TRPS1: variants seen among roughly 807,000 people sequenced by gnomAD.
TRPS1 encodes transcriptional repressor GATA binding 1.
A neutral mutation model predicts 101.2 loss-of-function variants in TRPS1; 6 were observed. The observed-to-expected ratio is 0.06, with a 90% CI of 0.03 to 0.12. The LOEUF is 0.12. TRPS1 is among the 10% of genes least tolerant of loss of function. The pLI is 1.00. For missense variants in TRPS1, 1,363 were observed against 1,567.0 expected, an observed-to-expected ratio of 0.87 and a Z score of 2.20; for synonymous variants, 578 against 589.8, an observed-to-expected ratio of 0.98 and a Z score of 0.29.
chr8:115,559,064 TA>T (rs1816889588), intron 5 of TRPS1, among the ~76,000 whole-genome samples: 1 of 152,152 alleles, frequency 6.6e-6, no homozygotes, highest in African/African-American at 2.4e-5. Flanking sequence ...AATTTCAAGA[TA>T]AAACCTCTGT....
intron 1 of TRPS1, among the ~76,000 whole-genome samples, chr8:115,635,425 C>T (rs948110424): frequency 2.6e-5 from 4 of 152,132 alleles, no homozygotes; most frequent in African/African-American, 4.8e-5. Flanking sequence ...TCAAAACTCA[C>T]GTAACATTTA....
At chr8:115,442,308 T>G (rs1813618611) in intron 5 of TRPS1, among the ~76,000 whole-genome samples, 1 of 152,148 alleles carries the variant, frequency 6.6e-6, no homozygotes, top group Admixed American at 6.5e-5. Flanking sequence ...ACTGATTTTC[T>G]GAAGGAAAAA....
At chr8:115,572,752 C>T (rs1304847164) in intron 5 of TRPS1, among the ~76,000 whole-genome samples, 2 of 152,136 alleles carry the variant, frequency 1.3e-5, no homozygotes, top group Admixed American at 1.3e-4. Context: ...CATCTGAATG[C>T]CTTACAAACT....
At chr8:115,504,364 T>C (rs1815390633) in intron 5 of TRPS1, among the ~76,000 whole-genome samples, 1 of 152,198 alleles carries the variant, frequency 6.6e-6, no homozygotes, top group African/African-American at 2.4e-5. Context: ...AAATCAATTA[T>C]AGAATGATAC....
chr8:115,446,775 T>C (rs1435261942), intron 5 of TRPS1, among the ~76,000 whole-genome samples: 1 of 152,180 alleles, frequency 6.6e-6, no homozygotes, highest in Non-Finnish European at 1.5e-5. Flanking sequence ...GACTGACTTA[T>C]ACATTGGGCA....
chr8:115,598,154 AT>A (rs1179447980), intron 4 of TRPS1, among the ~76,000 whole-genome samples: 1 of 151,696 alleles, frequency 6.6e-6, no homozygotes, highest in South Asian at 2.1e-4. Context: ...TCATCATTCC[AT>A]TTTTTCTCCT....
intron 3 of TRPS1, among the ~76,000 whole-genome samples, chr8:115,612,144 A>T (rs1818183294): frequency 1.5e-3 from 1 of 658 alleles, no homozygotes; most frequent in Non-Finnish European, 3.2e-3. Flanking sequence ...GGAGGACAGA[A>T]GAAAAGAACA....
intron 5 of TRPS1, among the ~76,000 whole-genome samples, chr8:115,564,189 C>T (rs1233274586): frequency 6.6e-6 from 1 of 152,048 alleles, no homozygotes; most frequent in African/African-American, 2.4e-5. Context: ...CGATTAAATA[C>T]AATACTATGG....
intron 5 of TRPS1, among the ~76,000 whole-genome samples, chr8:115,442,575 G>A (rs965151871): frequency 4.0e-5 from 6 of 151,694 alleles, no homozygotes; most frequent in Non-Finnish European, 8.8e-5. Context: ...GTGTGTGTGT[G>A]TGTGTATGTG....
At chr8:115,668,063 A>G (rs1337936615) in intron 1 of TRPS1, 11 of 661,168 alleles carry the variant, frequency 1.7e-5, no homozygotes, top group Non-Finnish European at 2.6e-5. Flanking sequence ...GGGAGGGGGC[A>G]CCGGCCTGAA....
intron 1 of TRPS1, among the ~76,000 whole-genome samples, chr8:115,633,435 G>A (rs1818695063): frequency 6.6e-6 from 1 of 152,096 alleles, no homozygotes; most frequent in African/African-American, 2.4e-5. Context: ...AATGTTCCAT[G>A]AGGATGCACT....
At chr8:115,620,083 C>G in intron 2 of TRPS1, 23 bp from the exon 3 acceptor site, 3 of 1,609,098 alleles carry the variant, frequency 1.9e-6, no homozygotes, top group Non-Finnish European at 2.6e-6. Flanking sequence ...AGGGAAAAGG[C>G]AGATACAGTG....
At chr8:115,455,984 C>A (rs1418555793) in intron 5 of TRPS1, among the ~76,000 whole-genome samples, 1 of 151,866 alleles carries the variant, frequency 6.6e-6, no homozygotes, top group Non-Finnish European at 1.5e-5. Flanking sequence ...CAGGGTTTCA[C>A]CGTGTTAGCC....
chr8:115,554,850 C>T (rs1451849677), intron 5 of TRPS1, among the ~76,000 whole-genome samples: 1 of 151,984 alleles, frequency 6.6e-6, no homozygotes, highest in Admixed American at 6.6e-5. Flanking sequence ...CTTTGAAAGG[C>T]GTGCCAGTGT....
chr8:115,615,906 G>T (rs922026062), intron 3 of TRPS1, among the ~76,000 whole-genome samples: 4 of 152,208 alleles, frequency 2.6e-5, no homozygotes, highest in Admixed American at 6.5e-5. Context: ...CAATCATGCT[G>T]CATCTATGAT....
At chr8:115,558,817 T>C (rs554136289) in intron 5 of TRPS1, among the ~76,000 whole-genome samples, 2 of 152,270 alleles carry the variant, frequency 1.3e-5, no homozygotes, top group African/African-American at 4.8e-5. Flanking sequence ...GTGTTAATGA[T>C]AAAACAACTG....
At chr8:115,640,411 T>C (rs1818868346) in intron 1 of TRPS1, among the ~76,000 whole-genome samples, 1 of 152,226 alleles carries the variant, frequency 6.6e-6, no homozygotes, top group African/African-American at 2.4e-5. Flanking sequence ...ATCCTCTCCC[T>C]ACTCCACAAT....
intron 1 of TRPS1, among the ~76,000 whole-genome samples, chr8:115,662,572 T>A (rs998395222): frequency 6.6e-6 from 1 of 151,924 alleles, no homozygotes; most frequent in Non-Finnish European, 1.5e-5. Flanking sequence ...CTAAAAAGAT[T>A]TTCCTACTTG....
intron 5 of TRPS1, among the ~76,000 whole-genome samples, chr8:115,488,192 T>C (rs763765371): frequency 1.3e-5 from 2 of 152,092 alleles, no homozygotes; most frequent in East Asian, 3.9e-4. Flanking sequence ...AGCAATAAGG[T>C]ATTTTTAAAT....
Sources: gnomAD v4.1 joint callset for allele counts (sites outside exome capture counted in the v4.1 genomes callset) on GRCh38, gnomAD v4.1.1 for gene constraint, MANE v1.5 for transcripts, NCBI Gene and HGNC (gene_info 2026-07-23, HGNC 2026-07-21) for gene names.